Variants in WBP2NL observed in about 807,000 individuals in gnomAD.
WBP2NL encodes the protein postacrosomal sheath WW domain-binding protein.
Under a neutral mutation model 23.3 loss-of-function variants are expected in WBP2NL, and 27 were observed. That is an observed-to-expected ratio of 1.16 (90% CI 0.85 to 1.60). WBP2NL has a LOEUF of 1.60. WBP2NL is among the 40% of genes most tolerant of loss of function. The pLI, the probability that WBP2NL is intolerant of heterozygous loss-of-function variation, is 0.00. For synonymous variants in WBP2NL, 151 were observed against 145.9 expected, an observed-to-expected ratio of 1.03 and a Z score of -0.25; for missense variants, 370 against 389.5, an observed-to-expected ratio of 0.95 and a Z score of 0.42.
At chr22:42,013,899 G>A (rs769099797) in intron 1 of WBP2NL, among the ~76,000 whole-genome samples, 7 of 151,982 alleles carry the variant, frequency 4.6e-5, no homozygotes, top group Non-Finnish European at 7.4e-5. Context: ...TCCGGCCTCA[G>A]CCTCCGGAGT....
At chr22:42,012,057 T>A (rs1417188947) in intron 1 of WBP2NL, among the ~76,000 whole-genome samples, 1 of 152,078 alleles carries the variant, frequency 6.6e-6, no homozygotes, top group Non-Finnish European at 1.5e-5. Flanking sequence ...GATTACAGGC[T>A]GAGCCACCAT....
chr22:42,014,549 T>G (rs964270105), intron 1 of WBP2NL, among the ~76,000 whole-genome samples: 1 of 152,086 alleles, frequency 6.6e-6, no homozygotes, highest in Non-Finnish European at 1.5e-5. Context: ...TATTCCCCTT[T>G]CTCTCTCTCC....
At chr22:42,014,905 C>CT (rs2146777407) in intron 1 of WBP2NL, among the ~76,000 whole-genome samples, 1 of 152,256 alleles carries the variant, frequency 6.6e-6, no homozygotes, top group Admixed American at 6.5e-5. Flanking sequence ...TCCTTTAACT[C>CT]TTTGAGTATA....
At chr22:42,017,690 A>G (rs192607438) in intron 1 of WBP2NL, among the ~76,000 whole-genome samples, 272 of 152,310 alleles carry the variant, frequency 1.8e-3, no homozygotes, top group African/African-American at 6.3e-3. Flanking sequence ...TGATCATTAT[A>G]CATTGGTTAC....
chr22:42,011,811 C>T (rs942835284), intron 1 of WBP2NL, among the ~76,000 whole-genome samples: 6 of 151,548 alleles, frequency 4.0e-5, no homozygotes, highest in African/African-American at 7.3e-5. Context: ...CTTACTCTGT[C>T]GCCCAGGCTG....
intron 8 of WBP2NL, among the ~76,000 whole-genome samples, chr22:42,047,071 C>T (rs1925613634): frequency 2.0e-5 from 3 of 152,118 alleles, no homozygotes; most frequent in South Asian, 4.1e-4. Flanking sequence ...CCATTGCTGT[C>T]GTGAGAGACA....
At chr22:42,000,021 A>G (rs1356680352) in intron 1 of WBP2NL, among the ~76,000 whole-genome samples, 2 of 151,978 alleles carry the variant, frequency 1.3e-5, no homozygotes, top group African/African-American at 4.8e-5. Flanking sequence ...ACTCAAACTC[A>G]GTCTCCCCCG....
At chr22:42,057,163 T>C (rs1926069154) in intron 8 of WBP2NL, among the ~76,000 whole-genome samples, 1 of 152,210 alleles carries the variant, frequency 6.6e-6, no homozygotes, top group African/African-American at 2.4e-5. Context: ...TTTATGTGTA[T>C]ATGGGTACAT....
chr22:42,008,749 A>G (rs975584092), intron 1 of WBP2NL, among the ~76,000 whole-genome samples: 1 of 151,946 alleles, frequency 6.6e-6, no homozygotes, highest in Non-Finnish European at 1.5e-5. Flanking sequence ...CTGGGATTAC[A>G]GGTGCCCACC....
chr22:42,026,632 T>C, intron 5 of WBP2NL, 134 bp from the exon 6 acceptor site: 1 of 1,394,570 alleles, frequency 7.2e-7, no homozygotes, highest in African/African-American at 1.4e-5. Context: ...CTAGAGGAAA[T>C]AGCTTTAGCA....
rs1283967394 is a variant in WBP2NL at position 42,020,864 on chromosome 22, GTGTGTATATATATATATATATATATA to G, written c.406+770_406+795del. ...TTTTATCTCATATATGTGTGTGTGT[GTGTGTATATATATATATATATATATA>G]TATATATATATATATATATTTTTTT... On this transcript the variant is annotated intron_variant, in intron 4 of 5. Transcript: ENST00000328823. Among the ~76,000 whole-genome samples, 33 of 35,030 alleles carry G rather than the reference GTGTGTATATATATATATATATATATA, an allele frequency of 9.4e-4. 3 individuals carry two copies. The highest frequency in any genetic ancestry group is 6.6e-3 in the East Asian group (5 of 754). 23.0% of individuals were successfully genotyped at this position (35,030 alleles called of 152,430 possible).
At chr22:42,052,897 G>GT (rs1324385496) in intron 8 of WBP2NL, among the ~76,000 whole-genome samples, 1 of 152,172 alleles carries the variant, frequency 6.6e-6, no homozygotes, top group Non-Finnish European at 1.5e-5. Context: ...AAAGCCATGT[G>GT]TTATTTGTAC....
At chr22:42,050,229 GCTGCAGTGAACAA>G (rs1925787775) in intron 8 of WBP2NL, among the ~76,000 whole-genome samples, 1 of 151,980 alleles carries the variant, frequency 6.6e-6, no homozygotes, top group Non-Finnish European at 1.5e-5. Flanking sequence ...ATTGCTTGAG[GCTGCAGTGAACAA>G]TGATTGTGCC....
chr22:42,045,604 A>G (rs1458051584), intron 8 of WBP2NL, among the ~76,000 whole-genome samples: 2 of 152,224 alleles, frequency 1.3e-5, no homozygotes, highest in Non-Finnish European at 2.9e-5. Flanking sequence ...CTCTCTGCCC[A>G]CAAATTCGAT....
Position 42,020,908 on chromosome 22 carries a change from A to ATTTTTT in WBP2NL, c.406+836_406+841dup, listed in dbSNP as rs1161784270. 4.5e-4 allele frequency among the ~76,000 whole-genome samples: 5 copies of ATTTTTT among 11,230 alleles called. 1 individual carries two copies. Among genetic ancestry groups the ATTTTTT allele is most frequent in the Admixed American group, 1.8e-3 (1 of 568 alleles). 7.4% of individuals were successfully genotyped at this position (11,230 alleles called of 152,430 possible). On this transcript the variant is annotated intron_variant, in intron 4 of 5. Coordinates refer to ENST00000328823, the MANE Select transcript of WBP2NL (RefSeq NM_152613.3). ...TATATATATATATATATATATATAT[A>ATTTTTT]TTTTTTTTTTTTTTTTTTTTTTTTT...
At chr22:42,000,512 C>CCAT (rs896748779) in intron 1 of WBP2NL, among the ~76,000 whole-genome samples, 13 of 151,636 alleles carry the variant, frequency 8.6e-5, no homozygotes, top group African/African-American at 9.7e-5. Flanking sequence ...TAATTGAGTC[C>CCAT]CATCATCATC....
At chr22:42,018,436 G>A (rs1389602275) in intron 1 of WBP2NL, among the ~76,000 whole-genome samples, 6 of 149,908 alleles carry the variant, frequency 4.0e-5, no homozygotes, top group Non-Finnish European at 5.9e-5. Context: ...GGAAAGGAAA[G>A]AAAGAAGTGA....
chr22:42,057,818 A>T (rs1327632794), intron 8 of WBP2NL, among the ~76,000 whole-genome samples: 1 of 108,254 alleles, frequency 9.2e-6, no homozygotes, highest in Admixed American at 1.1e-4. Flanking sequence ...GGAAAATTGT[A>T]TTAAGGTCAT....
intron 1 of WBP2NL, among the ~76,000 whole-genome samples, chr22:42,003,672 A>T (rs572893981): frequency 6.6e-6 from 1 of 152,354 alleles, no homozygotes; most frequent in South Asian, 2.1e-4. Flanking sequence ...CAAAAAGATC[A>T]TGGAAAATAT....
Sources: allele counts gnomAD v4.1 joint callset (sites outside exome capture counted in the v4.1 genomes callset), GRCh38; gene constraint gnomAD v4.1.1; transcripts MANE v1.5; gene names NCBI Gene and HGNC (gene_info 2026-07-23, HGNC 2026-07-21).